Variants in NTM observed in about 807,000 individuals in gnomAD.
The protein encoded by NTM is neurotrimin.
In NTM, 13 loss-of-function variants were observed where a neutral mutation model predicts 42.1. That is an observed-to-expected ratio of 0.31 (90% CI 0.20 to 0.49). The LOEUF (loss-of-function observed/expected upper bound fraction) is 0.49, where lower values mean the gene tolerates loss of function less well. NTM is among the 20% of genes least tolerant of loss of function. The pLI is 0.99. For synonymous variants in NTM, 187 were observed against 179.2 expected, an observed-to-expected ratio of 1.04 and a Z score of -0.35; for missense variants, 373 against 452.8, an observed-to-expected ratio of 0.82 and a Z score of 1.60.
At chr11:131,436,273 G>T (rs951718519) in intron 1 of NTM, among the ~76,000 whole-genome samples, 1 of 152,148 alleles carries the variant, frequency 6.6e-6, no homozygotes, top group African/African-American at 2.4e-5. Flanking sequence ...TCTCTGCCAG[G>T]CTTTGCTATC....
chr11:131,480,886 G>A (rs1953506018), intron 1 of NTM, among the ~76,000 whole-genome samples: 1 of 152,100 alleles, frequency 6.6e-6, no homozygotes, highest in South Asian at 2.1e-4. Context: ...TTCTGTCGGT[G>A]AAAAATTTGG....
intron 1 of NTM, among the ~76,000 whole-genome samples, chr11:131,684,375 G>A (rs573498200): frequency 1.3e-5 from 2 of 152,154 alleles, no homozygotes; most frequent in African/African-American, 2.4e-5. Context: ...GGAAACTATA[G>A]AAAGGCAGTT....
At chr11:131,436,391 C>T (rs569230240) in intron 1 of NTM, among the ~76,000 whole-genome samples, 14 of 152,210 alleles carry the variant, frequency 9.2e-5, no homozygotes, top group South Asian at 2.1e-4. Context: ...CGGTAGGATT[C>T]GGCTATGAAT....
chr11:131,579,365 C>T (rs1214469576), intron 1 of NTM, among the ~76,000 whole-genome samples: 2 of 152,168 alleles, frequency 1.3e-5, no homozygotes, highest in Non-Finnish European at 2.9e-5. Flanking sequence ...GTGAGGTTCC[C>T]TCTCCCTTTT....
At chr11:132,268,200 G>C (rs2093305365) in intron 4 of NTM, among the ~76,000 whole-genome samples, 1 of 152,154 alleles carries the variant, frequency 6.6e-6, no homozygotes, top group Non-Finnish European at 1.5e-5. Flanking sequence ...TTAGACCTTA[G>C]TTCCAATAAG....
At chr11:131,911,126 G>T in intron 1 of NTM, 1 of 1,235,610 alleles carries the variant, frequency 8.1e-7, no homozygotes, top group Non-Finnish European at 1.0e-6. Flanking sequence ...CCAAAGTGCC[G>T]TGTCTGAACT....
At chr11:131,980,594 C>G (rs1387902722) in intron 2 of NTM, among the ~76,000 whole-genome samples, 1 of 152,144 alleles carries the variant, frequency 6.6e-6, no homozygotes, top group African/African-American at 2.4e-5. Flanking sequence ...TGAGTTTTCA[C>G]CACACTTTCA....
chr11:131,795,360 A>G, intron 1 of NTM: 1 of 982,458 alleles, frequency 1.0e-6, no homozygotes, highest in South Asian at 4.7e-5. Flanking sequence ...TGTTATTGTT[A>G]TGAGCTATTT....
chr11:131,504,605 T>G (rs569275342), intron 1 of NTM, among the ~76,000 whole-genome samples: 3 of 152,166 alleles, frequency 2.0e-5, no homozygotes, highest in Non-Finnish European at 4.4e-5. Flanking sequence ...CAAAATTGTG[T>G]GTGCTGCTGC....
intron 1 of NTM, among the ~76,000 whole-genome samples, chr11:131,628,964 T>C (rs1459083612): frequency 6.6e-6 from 1 of 152,224 alleles, no homozygotes; most frequent in Non-Finnish European, 1.5e-5. Flanking sequence ...GCAGGTGCTT[T>C]GCTCATTTTG....
intron 8 of NTM, among the ~76,000 whole-genome samples, chr11:132,330,831 G>T (rs946482925): frequency 6.6e-6 from 1 of 152,210 alleles, no homozygotes; most frequent in African/African-American, 2.4e-5. Flanking sequence ...TGGAGTGGAG[G>T]CGTGGCTGAA....
intron 1 of NTM, among the ~76,000 whole-genome samples, chr11:131,563,010 A>G (rs549458076): frequency 6.6e-6 from 1 of 152,302 alleles, no homozygotes; most frequent in South Asian, 2.1e-4. Context: ...GGCATGGGGC[A>G]GGCTCTGTCA....
chr11:132,195,913 G>A (rs989754693), intron 3 of NTM, among the ~76,000 whole-genome samples: 1 of 152,096 alleles, frequency 6.6e-6, no homozygotes, highest in African/African-American at 2.4e-5. Context: ...ATTTAGGACT[G>A]AGTCCCCAAA....
intron 2 of NTM, among the ~76,000 whole-genome samples, chr11:132,000,610 T>C (rs1358035507): frequency 6.6e-6 from 1 of 152,208 alleles, no homozygotes; most frequent in Non-Finnish European, 1.5e-5. Flanking sequence ...TCTGGACTAA[T>C]GACAGACTCC....
chr11:131,915,637 C>T (rs2056190728), intron 2 of NTM, among the ~76,000 whole-genome samples: 1 of 152,030 alleles, frequency 6.6e-6, no homozygotes, highest in Non-Finnish European at 1.5e-5. Flanking sequence ...AAAGACATAC[C>T]CAAGACTGGG....
Position 131,630,314 on chromosome 11 carries a change from A to AT in NTM, c.82+259428dup, listed in dbSNP as rs34482681. On this transcript the variant is annotated intron_variant, in intron 1 of 8. Coordinates refer to ENST00000683400, the MANE Select transcript of NTM (RefSeq NM_001352005.2). ...AGGAGTAGATGCTTCTCAAATATAT[A>AT]TTGTTTTCTCTCTGCCAAGCCGTAA... 3.3e-5 allele frequency among the ~76,000 whole-genome samples: 5 copies of AT among 149,620 alleles called. No homozygotes were observed. The South Asian group carries it at 6.4e-4, about 19-fold the overall frequency.
Position 132,253,961 on chromosome 11 carries a change from CCTGGATATGGAGT to C in NTM, c.526+41820_526+41832del, listed in dbSNP as rs1317861025. ...TCGTGCTGCACTCTCCTGAGTTCTC[CCTGGATATGGAGT>C]CTGGAGAAATGAGGCAGTCTCTGCA... On this transcript the variant is annotated intron_variant, in intron 4 of 8. Transcript: ENST00000683400. Among the ~76,000 whole-genome samples, 4 of 152,260 alleles carry C rather than the reference CCTGGATATGGAGT, an allele frequency of 2.6e-5. No individual in the cohort carries two copies. In the East Asian group the frequency reaches 7.8e-4, roughly 30 times the overall value.
At chr11:132,028,674 C>A (rs569435387) in intron 2 of NTM, among the ~76,000 whole-genome samples, 2 of 152,078 alleles carry the variant, frequency 1.3e-5, no homozygotes, top group African/African-American at 4.8e-5. Flanking sequence ...TTTCTTCCCC[C>A]GCTCAGGTGA....
chr11:131,501,936 G>T (rs771445111), intron 1 of NTM, among the ~76,000 whole-genome samples: 9 of 152,078 alleles, frequency 5.9e-5, no homozygotes, highest in Non-Finnish European at 1.2e-4. Flanking sequence ...AACAGTTCTG[G>T]TATGAAAGTG....
Sources: gnomAD v4.1 joint callset for allele counts (sites outside exome capture counted in the v4.1 genomes callset) on GRCh38, gnomAD v4.1.1 for gene constraint, MANE v1.5 for transcripts, NCBI Gene and HGNC (gene_info 2026-07-23, HGNC 2026-07-21) for gene names.